The following GRIK1 variants were observed in gnomAD, a reference collection of about 807,000 sequenced individuals.
The protein encoded by GRIK1 is glutamate receptor ionotropic, kainate 1.
Under a neutral mutation model 105.7 loss-of-function variants are expected in GRIK1, and 69 were observed. The ratio of observed to expected loss-of-function variants is 0.65; its 90% CI spans 0.54 to 0.80. The LOEUF (loss-of-function observed/expected upper bound fraction) is 0.80, where lower values mean the gene tolerates loss of function less well. Among genes scored for constraint, GRIK1 ranks in the 30% least tolerant of loss-of-function variants. GRIK1 has a pLI of 0.00. For missense variants in GRIK1, 1,109 were observed against 1,167.3 expected, an observed-to-expected ratio of 0.95 and a Z score of 0.73; for synonymous variants, 438 against 431.3, an observed-to-expected ratio of 1.02 and a Z score of -0.19.
intron 1 of GRIK1, among the ~76,000 whole-genome samples, chr21:29,804,803 C>T (rs561647593): frequency 6.6e-6 from 1 of 152,232 alleles, no homozygotes; most frequent in South Asian, 2.1e-4. Flanking sequence ...GTTAGTTATA[C>T]ATAAGTGTCA....
At chr21:29,602,058 A>G (rs363429) in intron 7 of GRIK1, among the ~76,000 whole-genome samples, 83,628 of 152,118 alleles carry the variant, frequency 0.55, 26,348 homozygotes, top group African/African-American at 0.87. Context: ...AAGAAACCAA[A>G]TTTAGTCTTT....
At chr21:29,550,486 T>G (rs1601084595) in intron 16 of GRIK1, among the ~76,000 whole-genome samples, 2 of 152,338 alleles carry the variant, frequency 1.3e-5, no homozygotes, top group Admixed American at 6.5e-5. Context: ...TTCCAGCACA[T>G]TAAAATCAAC....
intron 1 of GRIK1, among the ~76,000 whole-genome samples, chr21:29,757,377 A>G (rs529751033): frequency 2.0e-5 from 3 of 152,230 alleles, no homozygotes; most frequent in African/African-American, 7.2e-5. Flanking sequence ...TATTTCTCAC[A>G]TAGTGCTAAT....
In GRIK1 at chr21:29,799,785, C is replaced by A. The variant is rs113400680; in HGVS notation, c.119-105722G>T. 2.0e-5 allele frequency among the ~76,000 whole-genome samples: 3 copies of A among 152,266 alleles called. 1 individual carries two copies. Among genetic ancestry groups the A allele is most frequent in the African/African-American group, 7.2e-5 (3 of 41,560 alleles). On this transcript the variant is annotated intron_variant, in intron 1 of 17. Transcript: ENST00000327783. Reference sequence around the variant, plus strand: ...CCCCAAGTGATCCACCTGCCTTAGCCTCCCTCCCAAAGTGCTGGGATTATA... The same window carrying A: ...CCCCAAGTGATCCACCTGCCTTAGCATCCCTCCCAAAGTGCTGGGATTATA...
At chr21:29,616,532 G>A (rs1219282039) in intron 7 of GRIK1, among the ~76,000 whole-genome samples, 17 of 152,254 alleles carry the variant, frequency 1.1e-4, no homozygotes, top group South Asian at 4.1e-4. Flanking sequence ...CTTCAGTTTC[G>A]TGTTTCTATC....
In GRIK1 at chr21:29,751,384, A is replaced by C. The variant is rs79728665; in HGVS notation, c.119-57321T>G. ...TTTTGCACATTTCTGTCCTTAGCTT[A>C]CCTCCCTTTCATCTGGTAATAATGG... On this transcript the variant is annotated intron_variant, in intron 1 of 17. Coordinates refer to ENST00000327783, the MANE Select transcript of GRIK1 (RefSeq NM_001330994.2). 3.1e-3 allele frequency among the ~76,000 whole-genome samples: 471 copies of C among 152,194 alleles called. 2 individuals are homozygous for C. The highest frequency in any genetic ancestry group is 6.8e-3 in the Middle Eastern group (2 of 294).
At chr21:29,708,614 T>C (rs778795100) in intron 1 of GRIK1, among the ~76,000 whole-genome samples, 21 of 152,172 alleles carry the variant, frequency 1.4e-4, no homozygotes, top group Non-Finnish European at 2.5e-4. Context: ...AAGTCTCTGG[T>C]GTCACTTCCT....
intron 7 of GRIK1, among the ~76,000 whole-genome samples, chr21:29,609,235 C>G (rs2061680415): frequency 6.6e-6 from 1 of 151,998 alleles, no homozygotes; most frequent in South Asian, 2.1e-4. Context: ...CTTTAACTCT[C>G]TCTTTGGTAA....
chr21:29,694,659 A>G (rs2063660143), intron 1 of GRIK1, among the ~76,000 whole-genome samples: 1 of 152,220 alleles, frequency 6.6e-6, no homozygotes, highest in Admixed American at 6.5e-5. Context: ...GTAACTGATA[A>G]TATGGCAGAG....
rs71191120 is a variant in GRIK1 at position 29,629,194 on chromosome 21, ATGTGTG to A, written c.1098+13626_1098+13631del. ...TTTTGGATAAATGAGGAAAGGAGAA[ATGTGTG>A]TGTGTGTGTGTGTGTGTGTGTGTGT... On this transcript the variant is annotated intron_variant, in intron 7 of 17. Transcript: ENST00000327783. 2.9e-3 allele frequency among the ~76,000 whole-genome samples: 391 copies of A among 132,652 alleles called. 5 individuals are homozygous for A. The highest frequency in any genetic ancestry group is 0.011 in the African/African-American group (353 of 32,796). 87.0% of individuals were successfully genotyped at this position (132,652 alleles called of 152,430 possible).
At chr21:29,787,941 A>C (rs1002204839) in intron 1 of GRIK1, among the ~76,000 whole-genome samples, 11 of 152,346 alleles carry the variant, frequency 7.2e-5, no homozygotes, top group African/African-American at 2.2e-4. Flanking sequence ...CAAGAGAAAT[A>C]ACTTCTTAGG....
intron 1 of GRIK1, among the ~76,000 whole-genome samples, chr21:29,777,285 A>G (rs2065971561): frequency 6.6e-6 from 1 of 152,196 alleles, no homozygotes; most frequent in Non-Finnish European, 1.5e-5. Context: ...CACTTTAGTT[A>G]CCACCCTAGA....
intron 1 of GRIK1, among the ~76,000 whole-genome samples, chr21:29,721,681 AC>A (rs1048732810): frequency 9.2e-5 from 14 of 152,190 alleles, no homozygotes; most frequent in Non-Finnish European, 1.8e-4. Context: ...ACACAAGCAA[AC>A]AAAAAACTAC....
chr21:29,735,906 T>G (rs1272813626), intron 1 of GRIK1, among the ~76,000 whole-genome samples: 1 of 148,334 alleles, frequency 6.7e-6, no homozygotes, highest in Non-Finnish European at 1.5e-5. Flanking sequence ...TTGCCAATAC[T>G]AAAGAAAAGG....
chr21:29,570,564 C>T (rs1190074754), intron 14 of GRIK1, among the ~76,000 whole-genome samples: 2 of 152,024 alleles, frequency 1.3e-5, no homozygotes, highest in Non-Finnish European at 2.9e-5. Flanking sequence ...AATACACTGA[C>T]CCATAAACAT....
intron 7 of GRIK1, among the ~76,000 whole-genome samples, chr21:29,639,771 A>G (rs1464601038): frequency 6.6e-6 from 1 of 152,210 alleles, no homozygotes; most frequent in African/African-American, 2.4e-5. Flanking sequence ...TGCCAAGTTA[A>G]TATTACTTAT....
intron 1 of GRIK1, among the ~76,000 whole-genome samples, chr21:29,850,834 AG>A (rs1343505938): frequency 6.6e-6 from 1 of 151,970 alleles, no homozygotes; most frequent in Non-Finnish European, 1.5e-5. Flanking sequence ...GTAACTAACA[AG>A]TAACAATGTT....
At chr21:29,903,061 G>A (rs555655888) in intron 1 of GRIK1, among the ~76,000 whole-genome samples, 162 of 152,260 alleles carry the variant, frequency 1.1e-3, no homozygotes, top group African/African-American at 3.6e-3. Context: ...AATGATATTG[G>A]GAAAACTGGC....
intron 5 of GRIK1, among the ~76,000 whole-genome samples, chr21:29,651,838 C>T (rs2146561422): frequency 6.6e-6 from 1 of 151,594 alleles, no homozygotes; most frequent in African/African-American, 2.4e-5. Context: ...AACATATACC[C>T]ATTGGATAAA....
Sources: allele counts gnomAD v4.1 joint callset (sites outside exome capture counted in the v4.1 genomes callset), GRCh38; gene constraint gnomAD v4.1.1; transcripts MANE v1.5; gene names NCBI Gene and HGNC (gene_info 2026-07-23, HGNC 2026-07-21).